TRHDE: variants seen among roughly 807,000 people sequenced by gnomAD.
TRHDE encodes the protein thyrotropin releasing hormone degrading enzyme, also known as thyrotropin-releasing hormone-degrading ectoenzyme.
Under a neutral mutation model 125.7 loss-of-function variants are expected in TRHDE, and 72 were observed. The ratio of observed to expected loss-of-function variants is 0.57; its 90% CI spans 0.47 to 0.70. The LOEUF (loss-of-function observed/expected upper bound fraction) is 0.70. Among genes scored for constraint, TRHDE ranks in the 30% least tolerant of loss-of-function variants. The pLI, the probability that TRHDE is intolerant of heterozygous loss-of-function variation, is 0.00. For synonymous variants in TRHDE, 509 were observed against 509.1 expected, an observed-to-expected ratio of 1.00 and a Z score of 0.00; for missense variants, 1,110 against 1,327.1, an observed-to-expected ratio of 0.84 and a Z score of 2.54.
rs1870384009 is a variant in TRHDE at position 72,565,204 on chromosome 12, C to T, written c.2042+2164C>T. 6.6e-5 allele frequency among the ~76,000 whole-genome samples: 10 copies of T among 152,226 alleles called. No individual in the cohort carries two copies. In the South Asian group the frequency reaches 2.1e-3, roughly 32 times the overall value. ...CTTCCTAGATCTTTATTTTACAATG[C>T]AAACAGTTGATGGAGTAAAACCAAC... On this transcript the variant is annotated intron_variant, in intron 9 of 18. Coordinates refer to ENST00000261180, the MANE Select transcript of TRHDE (RefSeq NM_013381.3).
intron 3 of TRHDE, among the ~76,000 whole-genome samples, chr12:72,439,103 G>A (rs1430714181): frequency 3.3e-5 from 5 of 151,616 alleles, no homozygotes; most frequent in African/African-American, 1.2e-4. Flanking sequence ...ATGTCAGTTG[G>A]CTCTGGATGC....
At chr12:72,166,344 TACACATATATAC>T (rs1592466565) in intron 2 of TRHDE, among the ~76,000 whole-genome samples, 1 of 152,226 alleles carries the variant, frequency 6.6e-6, no homozygotes, top group East Asian at 1.9e-4. Context: ...TACACATATA[TACACATATATAC>T]ACACATATAT....
At chr12:72,631,305 A>T (rs994013033) in intron 15 of TRHDE, among the ~76,000 whole-genome samples, 1 of 151,776 alleles carries the variant, frequency 6.6e-6, no homozygotes, top group Non-Finnish European at 1.5e-5. Context: ...ACAATGCAAA[A>T]TGCCCCTTTT....
intron 2 of TRHDE, among the ~76,000 whole-genome samples, chr12:72,237,751 C>A (rs561456232): frequency 4.5e-4 from 69 of 152,262 alleles, no homozygotes; most frequent in Non-Finnish European, 7.4e-4. Flanking sequence ...GTCAATTAAA[C>A]CTTCTTTGTT....
intron 2 of TRHDE, among the ~76,000 whole-genome samples, chr12:72,302,810 C>A (rs1050238863): frequency 2.0e-4 from 30 of 152,156 alleles, no homozygotes; most frequent in African/African-American, 7.2e-4. Context: ...TTTACCTTTA[C>A]CACCCTTTGG....
At chr12:72,113,863 G>T (rs931271738) in intron 2 of TRHDE, among the ~76,000 whole-genome samples, 2 of 151,970 alleles carry the variant, frequency 1.3e-5, no homozygotes, top group African/African-American at 4.8e-5. Context: ...TATGACCTGG[G>T]TCCTTTTTTC....
At chr12:72,452,128 T>C (rs1875607708) in intron 3 of TRHDE, among the ~76,000 whole-genome samples, 1 of 152,084 alleles carries the variant, frequency 6.6e-6, no homozygotes, top group African/African-American at 2.4e-5. Context: ...GTTTCTTTTG[T>C]CAGGGTTTTA....
intron 2 of TRHDE, among the ~76,000 whole-genome samples, chr12:72,218,213 A>G (rs1377192205): frequency 6.6e-6 from 1 of 152,194 alleles, no homozygotes; most frequent in African/African-American, 2.4e-5. Context: ...TAAAGGGAAA[A>G]TAATAGAAAA....
At chr12:72,244,111 A>G (rs1878531341) in intron 2 of TRHDE, among the ~76,000 whole-genome samples, 1 of 152,128 alleles carries the variant, frequency 6.6e-6, no homozygotes, top group Non-Finnish European at 1.5e-5. Context: ...TTATCACCCT[A>G]TGCTACTGGA....
chr12:72,167,135 A>G (rs1197793393), intron 2 of TRHDE, among the ~76,000 whole-genome samples: 1 of 152,142 alleles, frequency 6.6e-6, no homozygotes, highest in South Asian at 2.1e-4. Flanking sequence ...TCAAGTGAAC[A>G]TGATGGTCAC....
At position 72,626,351 on chromosome 12, in the gene TRHDE, C is replaced by T. The variant is rs541368126; in HGVS notation, c.2675+4600C>T. Among the ~76,000 whole-genome samples the T allele has an allele frequency of 2.0e-3, 310 of 151,948 alleles. 2 individuals are homozygous for T. Among genetic ancestry groups the T allele is most frequent in the African/African-American group, 7.0e-3 (289 of 41,472 alleles). ...AACCTTTGCAGAAAATTATAAAACACTAGTGTTCTTCAGAGTTACCCTCTA... is the reference window on the plus strand; with the variant it reads ...AACCTTTGCAGAAAATTATAAAACATTAGTGTTCTTCAGAGTTACCCTCTA... On this transcript the variant is annotated intron_variant, in intron 15 of 18. Coordinates refer to ENST00000261180, the MANE Select transcript of TRHDE (RefSeq NM_013381.3).
At chr12:72,460,112 A>G (rs1486084968) in intron 3 of TRHDE, among the ~76,000 whole-genome samples, 2 of 152,210 alleles carry the variant, frequency 1.3e-5, no homozygotes, top group East Asian at 1.9e-4. Context: ...CGTTTTTGCT[A>G]TACAAAACCG....
intron 2 of TRHDE, among the ~76,000 whole-genome samples, chr12:72,180,099 C>A (rs532867314): frequency 7.3e-5 from 11 of 151,598 alleles, no homozygotes; most frequent in Non-Finnish European, 1.5e-4. Context: ...AATACTTGTG[C>A]CTCCATTCTG....
At position 72,272,737 on chromosome 12, in the gene TRHDE, G is replaced by GAGA. The variant is rs745318345; in HGVS notation, c.96_97insAAG (p.Glu32_Glu33insLys). The GAGA allele has an allele frequency of 1.0e-4, 150 of 1,481,002 alleles. 2 individuals are homozygous for GAGA. In the South Asian group the frequency reaches 1.0e-3, roughly 10 times the overall value. 91.7% of individuals were successfully genotyped at this position (1,481,002 alleles called of 1,614,324 possible). On this transcript the variant is annotated inframe_insertion, in exon 1 of 19. Transcript: ENST00000261180. The surrounding 1 kb of genome is among the most constrained non-coding windows in gnomAD (Gnocchi z 6.7). The stretch of plus-strand genomic sequence containing the variant: ...GAAGAAGAAGGAGGAGGAGGAGGAG[G>GAGA]AGGAGGGGGCCGAGAAGAGCAGCTC...
chr12:72,294,749 G>A (rs1342093415), intron 2 of TRHDE, among the ~76,000 whole-genome samples: 5 of 152,054 alleles, frequency 3.3e-5, no homozygotes, highest in Non-Finnish European at 7.4e-5. Flanking sequence ...CCTGTTCATG[G>A]CACCCAGGCT....
intron 2 of TRHDE, among the ~76,000 whole-genome samples, chr12:72,192,155 G>A (rs537649351): frequency 3.3e-5 from 5 of 152,146 alleles, no homozygotes; most frequent in Middle Eastern, 3.4e-3. Flanking sequence ...TAATATTAGA[G>A]GAGATTAGTT....
chr12:72,508,182 A>G (rs775251882), intron 6 of TRHDE, among the ~76,000 whole-genome samples: 2 of 152,232 alleles, frequency 1.3e-5, no homozygotes, highest in African/African-American at 4.8e-5. Context: ...GAGCCCCCAC[A>G]CAGAATCCCC....
At chr12:72,554,858 C>T (rs1381191235) in intron 7 of TRHDE, among the ~76,000 whole-genome samples, 1 of 152,148 alleles carries the variant, frequency 6.6e-6, no homozygotes, top group East Asian at 1.9e-4. Context: ...ACCCTGTCAC[C>T]TTGTTCTGGA....
At chr12:72,186,411 A>G (rs910191362) in intron 2 of TRHDE, 1 of 155,044 alleles carries the variant, frequency 6.4e-6, no homozygotes, top group African/African-American at 2.4e-5. Flanking sequence ...CACTCACCGC[A>G]AAGGTCTGCA....
Sources: allele counts gnomAD v4.1 joint callset (sites outside exome capture counted in the v4.1 genomes callset), GRCh38; gene constraint gnomAD v4.1.1; non-coding constraint Gnocchi (gnomAD v3.1); transcripts MANE v1.5; gene names NCBI Gene and HGNC (gene_info 2026-07-23, HGNC 2026-07-21).